The following EHF variants were observed in gnomAD, a reference collection of about 807,000 sequenced individuals.
EHF encodes the protein ETS homologous factor, also known as ESE3 transcription factor.
EHF carries 14 observed loss-of-function variants against 45.1 expected under a neutral mutation model. That is an observed-to-expected ratio of 0.31 (90% CI 0.21 to 0.49). EHF has a LOEUF of 0.49. EHF is among the 20% of genes least tolerant of loss of function. The probability of loss-of-function intolerance (pLI) is 0.99; values close to 1 mark genes in which losing one functional copy is unlikely to be tolerated. For synonymous variants in EHF, 136 were observed against 131.8 expected (o/e 1.03, Z -0.22); for missense variants, 282 against 371.4 (o/e 0.76, Z 1.98).
chr11:34,631,682 G>T, intron 1 of EHF: 1 of 592,072 alleles, frequency 1.7e-6, no homozygotes. Context: ...CCGGGAACCA[G>T]GGGTTTTCAA....
At chr11:34,653,630 G>A (rs1855406008) in intron 6 of EHF, among the ~76,000 whole-genome samples, 1 of 152,112 alleles carries the variant, frequency 6.6e-6, no homozygotes, top group African/African-American at 2.4e-5. Context: ...GCAGTCTCTG[G>A]GGTTGGTGTA....
intron 6 of EHF, among the ~76,000 whole-genome samples, chr11:34,653,320 G>C (rs1855376876): frequency 6.6e-6 from 1 of 152,144 alleles, no homozygotes; most frequent in Admixed American, 6.6e-5. Context: ...CATAGTTACA[G>C]CTCTGCTGCC....
At chr11:34,640,247 C>T (rs962434510) in intron 1 of EHF, among the ~76,000 whole-genome samples, 4 of 152,196 alleles carry the variant, frequency 2.6e-5, no homozygotes. Context: ...GGTGCACAGC[C>T]TCCACGCCAC....
Position 34,662,510 on chromosome 11 carries a change from T to C in EHF, c.*3579T>C, listed in dbSNP as rs566705471. The stretch of plus-strand genomic sequence containing the variant: ...CCAATGAAGATTATGAATATGTTAA[T>C]ATGATGTAAATTGCTATTTAAGTGT... On this transcript the variant is annotated 3_prime_UTR_variant, in exon 9 of 9. Coordinates refer to ENST00000257831, the MANE Select transcript of EHF (RefSeq NM_012153.6). Among the ~76,000 whole-genome samples, 1 of 152,234 alleles carries C rather than the reference T, an allele frequency of 6.6e-6. No homozygotes were observed. The highest frequency in any genetic ancestry group is 1.5e-5 in the Non-Finnish European group (1 of 67,984).
In EHF at chr11:34,659,217, T is replaced by C. The variant is rs947217606; in HGVS notation, c.*286T>C. ...TTTCACCTCTATTGTGAATTCTTTT[T>C]CACTGCAAGAGTAACAGGATTTGTA... is the stretch of plus-strand genomic sequence containing the variant. On this transcript the variant is annotated 3_prime_UTR_variant, in exon 9 of 9. Transcript: ENST00000257831. 1.1e-5 allele frequency: 3 copies of C among 264,464 alleles called. No individual in the cohort carries two copies. The highest frequency in any genetic ancestry group is 2.1e-5 in the Non-Finnish European group (3 of 141,110). The allele number at this position is 264,464 out of a possible 1,614,324, so 16.4% of individuals were successfully genotyped here. A position where few individuals can be genotyped will look rare whatever the true frequency, so the allele number is the denominator to read the frequency against.
rs1335912203 is a variant in EHF at position 34,658,676 on chromosome 11, A to G, written c.751A>G (p.Lys251Glu). Residue 251 changes from lysine (K) to glutamate (E), a missense_variant, in exon 8 of 9, where the codon AAA (lysine) becomes GAA (glutamate). Physicochemically the swap from Lys to Glu is moderately conservative, Grantham distance 56 (BLOSUM62 1). Coordinates refer to ENST00000257831, the MANE Select transcript of EHF (RefSeq NM_012153.6). ...AGAGGCAGTGGCTCAGCTATGGGGTAAAAAGAAGAACAACAGCAGCATGAC... is the reference window on the plus strand; with the variant it reads ...AGAGGCAGTGGCTCAGCTATGGGGTGAAAAGAAGAACAACAGCAGCATGAC... ...KSEAVAQLWG[K>E]KKNNSSMTYE... 1.9e-6 allele frequency: 3 copies of G among 1,613,810 alleles called. No individual in the cohort carries two copies. The highest frequency in any genetic ancestry group is 4.5e-5 in the East Asian group (2 of 44,858).
intron 1 of EHF, among the ~76,000 whole-genome samples, chr11:34,628,886 G>C (rs756538384): frequency 5.9e-5 from 9 of 152,184 alleles, no homozygotes; most frequent in Non-Finnish European, 1.2e-4. Flanking sequence ...GCTTAGAAAG[G>C]TTCCATGTTT....
chr11:34,657,023 C>A, intron 7 of EHF, 53 bp downstream of exon 7: 1 of 1,599,486 alleles, frequency 6.3e-7, no homozygotes, highest in Non-Finnish European at 8.5e-7. Flanking sequence ...ACATCGGGCA[C>A]ATCTGGAGGC....
intron 4 of EHF, 47 bp from the exon 5 acceptor site, chr11:34,651,495 C>T (rs1466984534): frequency 3.3e-6 from 5 of 1,526,516 alleles, no homozygotes; most frequent in Admixed American, 1.7e-5. Context: ...CCTCTTCTCC[C>T]TGGGGAAAAG....
intron 1 of EHF, among the ~76,000 whole-genome samples, chr11:34,633,706 C>A (rs902331083): frequency 2.6e-5 from 4 of 152,072 alleles, no homozygotes; most frequent in Non-Finnish European, 5.9e-5. Context: ...GCCTCAAAAG[C>A]CTCTGTGATG....
Position 34,643,104 on chromosome 11 carries a change from G to A in EHF, c.97+377G>A, listed in dbSNP as rs57438553. 4.4e-4 allele frequency among the ~76,000 whole-genome samples: 67 copies of A among 151,272 alleles called. 1 individual carries two copies. The highest frequency in any genetic ancestry group is 1.5e-3 in the African/African-American group (63 of 41,094). On this transcript the variant is annotated intron_variant, in intron 2 of 8. Coordinates refer to ENST00000257831, the MANE Select transcript of EHF (RefSeq NM_012153.6). ...TGTGTGTGTGTGTGTGTGTATGTGC[G>A]CGTGCATGGAGGTTAGGAAGGAGAG...
chr11:34,649,298 G>C (rs1662622277), intron 4 of EHF, among the ~76,000 whole-genome samples: 1 of 152,108 alleles, frequency 6.6e-6, no homozygotes, highest in African/African-American at 2.4e-5. Context: ...GACTTATGGG[G>C]AGCCACACTT....
chr11:34,646,327 G>A lies in EHF; in HGVS notation c.98-112G>A, dbSNP rs145450892. 1.2e-4 allele frequency: 176 copies of A among 1,519,488 alleles called. No individual in the cohort carries two copies. In the East Asian group the frequency reaches 3.3e-3, roughly 28 times the overall value. The allele number at this position is 1,519,488 out of a possible 1,614,324, so 94.1% of individuals were successfully genotyped here. A position where few individuals can be genotyped will look rare whatever the true frequency, so the allele number is the denominator to read the frequency against. ...CCATCACCCATGCTGGCACATACAC[G>A]GACTGTGGTTGTGTCTCTGAGATAT... is the stretch of plus-strand genomic sequence containing the variant. On this transcript the variant is annotated intron_variant, in intron 2 of 8. Transcript: ENST00000257831.
In EHF at chr11:34,658,680, A is replaced by G. The variant is rs770034763; in HGVS notation, c.755A>G (p.Lys252Arg). 16 of 1,613,814 alleles carry G rather than the reference A, an allele frequency of 9.9e-6. No homozygotes were observed. In the East Asian group the frequency reaches 1.6e-4, roughly 16 times the overall value. The change falls in exon 8 of 9, where the codon AAG becomes AGG. Residue 252 changes from lysine to arginine, a missense_variant. By Grantham distance (26) the Lys-to-Arg change is conservative (BLOSUM62 2). This residue lies in a region of EHF where 41 missense variants were observed against 87.0 expected (regional missense o/e 0.47). Transcript: ENST00000257831. ...GCAGTGGCTCAGCTATGGGGTAAAA[A>G]GAAGAACAACAGCAGCATGACCTAT... ...SEAVAQLWGKKKNNSSMTYEK... is the reference protein window; with the variant it reads ...SEAVAQLWGKRKNNSSMTYEK...
At chr11:34,638,801 A>G (rs957177695) in intron 1 of EHF, among the ~76,000 whole-genome samples, 1 of 152,228 alleles carries the variant, frequency 6.6e-6, no homozygotes, top group African/African-American at 2.4e-5. Flanking sequence ...TCCTGCCTCC[A>G]GCAGAAGATG....
chr11:34,621,433 T>C (rs889794323), intron 1 of EHF, among the ~76,000 whole-genome samples: 7 of 150,330 alleles, frequency 4.7e-5, no homozygotes, highest in African/African-American at 7.3e-5. Flanking sequence ...CTTTGGATAT[T>C]ATCTGTGAAT....
At chr11:34,638,639 G>T (rs1853684500) in intron 1 of EHF, among the ~76,000 whole-genome samples, 1 of 152,112 alleles carries the variant, frequency 6.6e-6, no homozygotes, top group East Asian at 1.9e-4. Flanking sequence ...AGAGGGTAGG[G>T]GCCAGGGGTG....
At chr11:34,628,933 C>T (rs879377178) in intron 1 of EHF, among the ~76,000 whole-genome samples, 2 of 152,180 alleles carry the variant, frequency 1.3e-5, no homozygotes, top group African/African-American at 4.8e-5. Context: ...TAAAATTCTT[C>T]GTAAGTTTTG....
chr11:34,656,393 C>A (rs1447140359), intron 6 of EHF, among the ~76,000 whole-genome samples: 1 of 147,804 alleles, frequency 6.8e-6, no homozygotes. Flanking sequence ...TTCTATTATG[C>A]TAAAAAAAAA....
Sources: gnomAD v4.1 joint callset for allele counts (sites outside exome capture counted in the v4.1 genomes callset) on GRCh38, gnomAD v4.1.1 for gene constraint, gnomAD v4.1.1 regional missense constraint, MANE v1.5 for transcripts, NCBI Gene and HGNC (gene_info 2026-07-23, HGNC 2026-07-21) for gene names.